The following USP40 variants were observed in gnomAD, a reference collection of about 807,000 sequenced individuals.
USP40 encodes the protein ubiquitin specific peptidase 40, also known as ubiquitin carboxyl-terminal hydrolase 40.
USP40 carries 143 observed loss-of-function variants against 166.2 expected under a neutral mutation model. That is an observed-to-expected ratio of 0.86 (90% CI 0.75 to 0.99). The LOEUF is 0.99. Ranked by LOEUF, USP40 falls within the 50% of genes least tolerant of loss-of-function variation. USP40 has a pLI of 0.00. For synonymous variants in USP40, 498 were observed against 524.0 expected (o/e 0.95, Z 0.68); for missense variants, 1,444 against 1,479.7 (o/e 0.98, Z 0.40).
At chr2:233,479,149 A>G (rs1304319651) in intron 31 of USP40, among the ~76,000 whole-genome samples, 1 of 152,228 alleles carries the variant, frequency 6.6e-6, no homozygotes, top group African/African-American at 2.4e-5. Context: ...ACAGATGACA[A>G]TGGAGCTCCC....
At chr2:233,481,367 T>A (rs1374869962) in intron 30 of USP40, 70 bp from the exon 31 acceptor site, 1 of 1,292,400 alleles carries the variant, frequency 7.7e-7, no homozygotes, top group African/African-American at 1.5e-5. Flanking sequence ...AAGAGGCATG[T>A]CTAAAAAACT....
In USP40 at chr2:233,549,169, C is replaced by A. The variant is rs1216759140; in HGVS notation, c.898G>T (p.Gly300Cys). ...ACATGGTAATGGCCTCCGTAGCAGC[C>A]ACCTTTGTGTATAATAACTGAGAAG... is the stretch of plus-strand genomic sequence containing the variant. ...DLFSVIIHKG[G>C]CYGGHYHVYI... is the part of the protein sequence containing the mutation. The change falls in exon 8 of 32, where the codon GGC (glycine) becomes TGC (cysteine). Residue 300 changes from glycine (G) to cysteine (C), a missense_variant. Coordinates refer to ENST00000678225, the MANE Select transcript of USP40 (RefSeq NM_001365479.2). The A allele has an allele frequency of 6.3e-7, 1 of 1,579,944 alleles. No individual in the cohort carries two copies. Among genetic ancestry groups the A allele is most frequent in the Non-Finnish European group, 8.7e-7 (1 of 1,155,126 alleles).
intron 23 of USP40, among the ~76,000 whole-genome samples, chr2:233,498,118 A>T (rs1229101874): frequency 1.3e-5 from 2 of 152,230 alleles, no homozygotes; most frequent in Non-Finnish European, 2.9e-5. Flanking sequence ...GTTTGGCTGG[A>T]TCGAGAGTTT....
rs769982581 is a variant in USP40 at position 233,488,218 on chromosome 2, A to G, written c.3197+21T>C. ...TTAAGATACGTGTGTGTCACTTCAG[A>G]TGCACAGGAGAATTTCTTACCCCAA... On this transcript the variant is annotated intron_variant, in intron 28 of 31. Coordinates refer to ENST00000678225, the MANE Select transcript of USP40 (RefSeq NM_001365479.2). 6 of 1,591,828 alleles carry G rather than the reference A, an allele frequency of 3.8e-6. No individual in the cohort carries two copies. The Admixed American group carries it at 1.0e-4, about 28-fold the overall frequency.
At chr2:233,484,857 A>T (rs1302712225) in intron 30 of USP40, among the ~76,000 whole-genome samples, 1 of 152,002 alleles carries the variant, frequency 6.6e-6, no homozygotes, top group Non-Finnish European at 1.5e-5. Flanking sequence ...ATTTTTATTT[A>T]CTTTTCTTTT....
Position 233,493,811 on chromosome 2 carries a change from A to G in USP40, c.2791-260T>C, listed in dbSNP as rs569341250. ...AGTAGATAATATAAATGAGAAGCATAAACAAGAACAATGCATTTGCTTGAA... is the reference window on the plus strand; with the variant it reads ...AGTAGATAATATAAATGAGAAGCATGAACAAGAACAATGCATTTGCTTGAA... On this transcript the variant is annotated intron_variant, in intron 24 of 31. Transcript: ENST00000678225. This position sits in a 1 kb window ranked among gnomAD's most constrained non-coding sequence, Gnocchi z 4.7. Among the ~76,000 whole-genome samples, 3 of 152,334 alleles carry G rather than the reference A, an allele frequency of 2.0e-5. No individual in the cohort carries two copies. In the South Asian group the frequency reaches 6.2e-4, roughly 32 times the overall value.
chr2:233,540,079 C>T (rs1253206070), intron 10 of USP40, among the ~76,000 whole-genome samples: 1 of 144,744 alleles, frequency 6.9e-6, no homozygotes, highest in Non-Finnish European at 1.5e-5. Context: ...GAGCTGAGGT[C>T]GTGCCGCTGC....
chr2:233,544,302 C>T (rs998578573), intron 8 of USP40, among the ~76,000 whole-genome samples: 1 of 150,194 alleles, frequency 6.7e-6, no homozygotes, highest in Non-Finnish European at 1.5e-5. Context: ...TCCGTGGAGT[C>T]GCGGTGGCCA....
At chr2:233,549,660 T>C (rs1192305528) in intron 7 of USP40, among the ~76,000 whole-genome samples, 3 of 151,856 alleles carry the variant, frequency 2.0e-5, no homozygotes, top group African/African-American at 4.8e-5. Context: ...TTTATTGATA[T>C]ATATCTAGTT....
In USP40 at chr2:233,511,727, T is replaced by A. The variant is rs772371199; in HGVS notation, c.2508A>T (p.Lys836Asn). The change falls in exon 20 of 32, where the codon AAA becomes AAT. Residue 836 changes from lysine (K) to asparagine (N), a missense_variant. By Grantham distance (94) the Lys-to-Asn change is moderately conservative. Coordinates refer to ENST00000678225, the MANE Select transcript of USP40 (RefSeq NM_001365479.2). Reference sequence around the variant, plus strand: ...ATTTTACCTGAGACGAACTTGGTGCTTTTCCAAGACACAGTCCCAATGAAC... The same window carrying A: ...ATTTTACCTGAGACGAACTTGGTGCATTTCCAAGACACAGTCCCAATGAAC... ...MGSSLGLCLG[K>N]APSSSQLFLF... is the part of the protein sequence containing the mutation. 6.2e-7 allele frequency: 1 copy of A among 1,611,660 alleles called. No individual in the cohort carries two copies. Among genetic ancestry groups the A allele is most frequent in the South Asian group, 1.1e-5 (1 of 90,294 alleles).
chr2:233,542,262 C>T lies in USP40; in HGVS notation c.1062+6G>A, dbSNP rs1463514127. On this transcript the variant is annotated splice_donor_region_variant and intron_variant, in intron 9 of 31. Transcript: ENST00000678225. ...ACATACAAATACATACACACACATA[C>T]TATACCTCTAATAAGATTGCTTTTA... 2.6e-5 allele frequency: 39 copies of T among 1,489,146 alleles called. No individual in the cohort carries two copies. The highest frequency in any genetic ancestry group is 3.5e-5 in the Non-Finnish European group (38 of 1,099,322). 92.2% of individuals were successfully genotyped at this position (1,489,146 alleles called of 1,614,324 possible).
chr2:233,541,759 A>T (rs73996107), intron 9 of USP40, among the ~76,000 whole-genome samples: 4,677 of 152,290 alleles, frequency 0.031, 225 homozygotes, highest in African/African-American at 0.11. Context: ...CATCTACTTG[A>T]GATATTATCA....
intron 2 of USP40, among the ~76,000 whole-genome samples, chr2:233,563,999 T>C (rs1172676141): frequency 2.6e-5 from 4 of 152,234 alleles, no homozygotes; most frequent in African/African-American, 9.6e-5. Flanking sequence ...TGGAAAAGTG[T>C]TATCCCTATT....
chr2:233,493,603 T>C lies in USP40; in HGVS notation c.2791-52A>G. The C allele has an allele frequency of 6.5e-7, 1 of 1,527,948 alleles. No individual in the cohort carries two copies. The highest frequency in any genetic ancestry group is 2.1e-5 in the Admixed American group (1 of 48,374). 94.6% of individuals were successfully genotyped at this position (1,527,948 alleles called of 1,614,324 possible). A position where few individuals can be genotyped will look rare whatever the true frequency, so the allele number is the denominator to read the frequency against. ...TGTGATTACAAAGATTAAGTGAAAC[T>C]CTACTTTTACTTCCATAGAAAGAAA... On this transcript the variant is annotated intron_variant, in intron 24 of 31. Transcript: ENST00000678225. This position sits in a 1 kb window ranked among gnomAD's most constrained non-coding sequence, Gnocchi z 4.7.
rs759752703 is a variant in USP40, at chr2:233,520,502, C to T, written c.2325+489G>A. Among the ~76,000 whole-genome samples, 7 of 151,964 alleles carry T rather than the reference C, an allele frequency of 4.6e-5. No homozygotes were observed. In the East Asian group the frequency reaches 5.8e-4, roughly 13 times the overall value. ...AGGTATTTCCTGAGATGGTGTTTAA[C>T]GAAACTAGTCTTCAAATGGAGAACT... On this transcript the variant is annotated intron_variant, in intron 17 of 31. Coordinates refer to ENST00000678225, the MANE Select transcript of USP40 (RefSeq NM_001365479.2).
intron 31 of USP40, among the ~76,000 whole-genome samples, chr2:233,479,628 CGTGTGTGT>C (rs72454809): frequency 3.0e-4 from 44 of 145,500 alleles, no homozygotes; most frequent in African/African-American, 7.9e-4. Flanking sequence ...TAGAATTTTA[CGTGTGTGT>C]GTGTGTGTGT....
At chr2:233,514,602 G>A (rs1402232227) in intron 18 of USP40, among the ~76,000 whole-genome samples, 1 of 152,136 alleles carries the variant, frequency 6.6e-6, no homozygotes, top group African/African-American at 2.4e-5. Flanking sequence ...GCAATGGAAA[G>A]CACTAAAGGG....
intron 8 of USP40, among the ~76,000 whole-genome samples, chr2:233,547,297 T>C (rs2070050326): frequency 6.6e-6 from 1 of 152,186 alleles, no homozygotes; most frequent in Non-Finnish European, 1.5e-5. Context: ...ATAGATCATC[T>C]CCCTGGTAAA....
intron 21 of USP40, among the ~76,000 whole-genome samples, chr2:233,505,745 A>G (rs557868072): frequency 1.5e-4 from 23 of 152,330 alleles, no homozygotes; most frequent in African/African-American, 5.5e-4. Flanking sequence ...CCAAACATTT[A>G]AAGAATATCA....
Sources: allele counts gnomAD v4.1 joint callset (sites outside exome capture counted in the v4.1 genomes callset), GRCh38; gene constraint gnomAD v4.1.1; non-coding constraint Gnocchi (gnomAD v3.1); transcripts MANE v1.5; gene names NCBI Gene and HGNC (gene_info 2026-07-23, HGNC 2026-07-21).